The following PLEKHB2 variants were observed in gnomAD, a reference collection of about 807,000 sequenced individuals.
The protein encoded by PLEKHB2 is pleckstrin homology domain containing B2.
In PLEKHB2, 31 loss-of-function variants were observed where a neutral mutation model predicts 36.5. The ratio of observed to expected loss-of-function variants is 0.85; its 90% CI spans 0.64 to 1.15. PLEKHB2 has a LOEUF of 1.15. Among genes scored for constraint, PLEKHB2 ranks in the 50% most tolerant of loss-of-function variants. The probability of loss-of-function intolerance (pLI) is 0.00; values close to 1 mark genes in which losing one functional copy is unlikely to be tolerated. For synonymous variants in PLEKHB2, 119 were observed against 112.0 expected (o/e 1.06, Z -0.39); for missense variants, 262 against 295.3 (o/e 0.89, Z 0.83).
chr2:131,113,379 C>G (rs1695525695), intron 1 of PLEKHB2, among the ~76,000 whole-genome samples: 1 of 152,228 alleles, frequency 6.6e-6, no homozygotes, highest in Admixed American at 6.5e-5. Context: ...GGGCCTGCTG[C>G]ATAATTGATT....
intron 1 of PLEKHB2, among the ~76,000 whole-genome samples, chr2:131,108,847 T>C (rs1438301961): frequency 6.6e-6 from 1 of 152,228 alleles, no homozygotes; most frequent in Non-Finnish European, 1.5e-5. Context: ...TTCTAGTAAC[T>C]GTGAGGCACC....
At chr2:131,145,427 G>A (rs1295771747) in intron 7 of PLEKHB2, among the ~76,000 whole-genome samples, 1 of 151,980 alleles carries the variant, frequency 6.6e-6, no homozygotes, top group African/African-American at 2.4e-5. Context: ...TGCAGCCCCC[G>A]CCTCCCAGGT....
intron 5 of PLEKHB2, among the ~76,000 whole-genome samples, chr2:131,132,303 T>C (rs1697783028): frequency 6.6e-6 from 1 of 152,072 alleles, no homozygotes; most frequent in Non-Finnish European, 1.5e-5. Context: ...CTGTTGAGAG[T>C]GCTGTAACAT....
intron 3 of PLEKHB2, among the ~76,000 whole-genome samples, chr2:131,126,147 C>T (rs1481993824): frequency 6.6e-6 from 1 of 152,182 alleles, no homozygotes; most frequent in Non-Finnish European, 1.5e-5. Flanking sequence ...CTGGGAACCT[C>T]AGGAAGCACA....
Position 131,132,911 on chromosome 2 carries a change from G to A in PLEKHB2, c.343G>A (p.Gly115Ser). The part of the protein sequence containing the change: ...QDSRTNTAYV[G>S]SAVMTDETSV... ...CTCCTGTCTCCCGCAGGCGTATGTG[G>A]GCTCTGCAGTCATGACCGATGAGAC... is the stretch of plus-strand genomic sequence containing the variant. Residue 115 changes from glycine to serine, a missense_variant, in exon 6 of 8, where the codon GGC becomes AGC. By Grantham distance (56) the Gly-to-Ser change is moderately conservative. Coordinates refer to ENST00000693505, the MANE Select transcript of PLEKHB2 (RefSeq NM_001100623.2). 1 of 1,607,766 alleles carries A rather than the reference G, an allele frequency of 6.2e-7. No homozygotes were observed. Among genetic ancestry groups the A allele is most frequent in the Non-Finnish European group, 8.5e-7 (1 of 1,174,200 alleles).
rs1306401908 is a variant in PLEKHB2, at chr2:131,147,737, G to T, written c.*964G>T. On this transcript the variant is annotated 3_prime_UTR_variant, in exon 8 of 8. Transcript: ENST00000693505. ...AGTGTGAACCCAGGAGGCGGAGCTT[G>T]CAGTGAGCCAAGATAGTGCCACTGC... 2.7e-5 allele frequency: 4 copies of T among 150,770 alleles called. No homozygotes were observed. The highest frequency in any genetic ancestry group is 5.9e-5 in the Non-Finnish European group (4 of 68,034). 9.3% of individuals were successfully genotyped at this position (150,770 alleles called of 1,614,324 possible).
intron 1 of PLEKHB2, among the ~76,000 whole-genome samples, chr2:131,111,870 TTTC>T (rs1447975108): frequency 1.3e-5 from 2 of 152,190 alleles, no homozygotes; most frequent in Non-Finnish European, 2.9e-5. Flanking sequence ...AAAATTTTAT[TTTC>T]TTTAATCTCT....
intron 5 of PLEKHB2, among the ~76,000 whole-genome samples, chr2:131,130,981 G>C (rs994146781): frequency 8.5e-5 from 13 of 152,056 alleles, no homozygotes; most frequent in African/African-American, 3.1e-4. Flanking sequence ...TAGAGACGAA[G>C]TCTCACTATA....
chr2:131,144,514 G>C, intron 7 of PLEKHB2: 1 of 621,444 alleles, frequency 1.6e-6, no homozygotes. Flanking sequence ...ATCTTTTATA[G>C]TTTTCTTAAT....
intron 6 of PLEKHB2, among the ~76,000 whole-genome samples, chr2:131,138,927 A>T (rs1364667116): frequency 6.6e-6 from 1 of 151,912 alleles, no homozygotes; most frequent in Non-Finnish European, 1.5e-5. Flanking sequence ...TCAGCCCCCC[A>T]CTCAGTCTTA....
chr2:131,133,792 T>C (rs571950386), intron 6 of PLEKHB2, among the ~76,000 whole-genome samples: 1 of 152,320 alleles, frequency 6.6e-6, no homozygotes, highest in African/African-American at 2.4e-5. Context: ...GTCATATAAA[T>C]GAAATCATAT....
At chr2:131,131,537 C>T (rs1697681543) in intron 5 of PLEKHB2, among the ~76,000 whole-genome samples, 1 of 152,080 alleles carries the variant, frequency 6.6e-6, no homozygotes, top group African/African-American at 2.4e-5. Flanking sequence ...TTACTCTGGT[C>T]AGAGTTTTCA....
chr2:131,137,183 G>A (rs1385823438), intron 6 of PLEKHB2, among the ~76,000 whole-genome samples: 3 of 149,122 alleles, frequency 2.0e-5, no homozygotes, highest in African/African-American at 7.7e-5. Context: ...TCCTGACCTC[G>A]TGATCTGCCC....
intron 6 of PLEKHB2, among the ~76,000 whole-genome samples, chr2:131,139,507 T>A (rs1009749804): frequency 3.9e-5 from 6 of 152,228 alleles, no homozygotes; most frequent in Non-Finnish European, 5.9e-5. Context: ...ACATTAGTTG[T>A]GCAAGTATGT....
rs1699482620 is a variant in PLEKHB2, at chr2:131,148,868, C to T, written c.*2095C>T. 1 of 152,168 alleles carries T rather than the reference C, an allele frequency of 6.6e-6. No individual in the cohort carries two copies. The highest frequency in any genetic ancestry group is 2.1e-4 in the South Asian group (1 of 4,826). The allele number at this position is 152,168 out of a possible 1,614,324, so 9.4% of individuals were successfully genotyped here. ...ATAATCGTTATTAAAGCTGTATGTA[C>T]ACTTTACTTAAAAACTATTAACAGT... On this transcript the variant is annotated 3_prime_UTR_variant, in exon 8 of 8. Transcript: ENST00000693505.
At chr2:131,140,445 T>C (rs1698674049) in intron 7 of PLEKHB2, among the ~76,000 whole-genome samples, 170 bp downstream of exon 7, 1 of 152,264 alleles carries the variant, frequency 6.6e-6, no homozygotes, top group Non-Finnish European at 1.5e-5. Context: ...GGTAGTTTCA[T>C]ACTGCTCTGC....
intron 2 of PLEKHB2, among the ~76,000 whole-genome samples, chr2:131,121,304 A>G (rs1355040904): frequency 6.6e-6 from 1 of 152,176 alleles, no homozygotes; most frequent in East Asian, 1.9e-4. Flanking sequence ...TGTGGAGTGC[A>G]GTGGCGCGAT....
intron 7 of PLEKHB2, among the ~76,000 whole-genome samples, chr2:131,141,377 C>T (rs976712302): frequency 1.3e-5 from 2 of 152,048 alleles, no homozygotes; most frequent in African/African-American, 2.4e-5. Flanking sequence ...CGGTGGCTCA[C>T]GCCTGTAATC....
At chr2:131,142,028 TCCA>T (rs1194750630) in intron 7 of PLEKHB2, among the ~76,000 whole-genome samples, 7 of 152,206 alleles carry the variant, frequency 4.6e-5, no homozygotes, top group African/African-American at 1.2e-4. Flanking sequence ...AAGGTGGGAA[TCCA>T]CCATGGATAG....
Sources: allele counts gnomAD v4.1 joint callset (sites outside exome capture counted in the v4.1 genomes callset), GRCh38; gene constraint gnomAD v4.1.1; transcripts MANE v1.5; gene names NCBI Gene and HGNC (gene_info 2026-07-23, HGNC 2026-07-21).